The following PRKG1 variants were observed in gnomAD, a reference collection of about 807,000 sequenced individuals.
The protein encoded by PRKG1 is protein kinase cGMP-dependent 1.
Under a neutral mutation model 88.1 loss-of-function variants are expected in PRKG1, and 35 were observed. The ratio of observed to expected loss-of-function variants is 0.40; its 90% CI spans 0.30 to 0.53. The LOEUF is 0.53. PRKG1 is among the 20% of genes least tolerant of loss of function. The probability of loss-of-function intolerance (pLI) is 0.59; values close to 1 mark genes in which losing one functional copy is unlikely to be tolerated. For missense variants in PRKG1, 540 were observed against 839.8 expected, an observed-to-expected ratio of 0.64 and a Z score of 4.41; for synonymous variants, 303 against 292.5, an observed-to-expected ratio of 1.04 and a Z score of -0.37.
chr10:51,396,413 GA>G (rs1837578512), intron 2 of PRKG1, among the ~76,000 whole-genome samples: 1 of 151,994 alleles, frequency 6.6e-6, no homozygotes, highest in African/African-American at 2.4e-5. Context: ...AAAAGAGAGA[GA>G]AAGGGATACA....
At chr10:51,958,476 G>T (rs964576617) in intron 5 of PRKG1, among the ~76,000 whole-genome samples, 1 of 151,486 alleles carries the variant, frequency 6.6e-6, no homozygotes, top group African/African-American at 2.4e-5. Context: ...TTTTTTTTAG[G>T]ATAACTTGGT....
At chr10:51,004,301 TA>T (rs1237583561) in intron 1 of PRKG1, among the ~76,000 whole-genome samples, 1 of 152,082 alleles carries the variant, frequency 6.6e-6, no homozygotes, top group Admixed American at 6.6e-5. Flanking sequence ...CCGTCTCTAC[TA>T]AAAATACAAA....
intron 5 of PRKG1, among the ~76,000 whole-genome samples, chr10:52,015,966 C>T (rs1180336111): frequency 6.6e-6 from 1 of 152,224 alleles, no homozygotes; most frequent in Non-Finnish European, 1.5e-5. Flanking sequence ...GTTCATATCA[C>T]TATCAGCATT....
intron 8 of PRKG1, among the ~76,000 whole-genome samples, chr10:52,144,186 C>G (rs568155392): frequency 6.6e-6 from 1 of 152,176 alleles, no homozygotes; most frequent in East Asian, 1.9e-4. Flanking sequence ...TTAGAAAGAC[C>G]TTTGTACAGT....
chr10:51,151,534 A>G (rs1405292168), intron 1 of PRKG1, among the ~76,000 whole-genome samples: 1 of 151,114 alleles, frequency 6.6e-6, no homozygotes, highest in Non-Finnish European at 1.5e-5. Flanking sequence ...TGAAACCCAA[A>G]TATATGTCTC....
chr10:52,135,088 C>A (rs1837370123), intron 8 of PRKG1, among the ~76,000 whole-genome samples: 1 of 151,640 alleles, frequency 6.6e-6, no homozygotes, highest in Admixed American at 6.6e-5. Flanking sequence ...GTGGCATATA[C>A]AAAAATAACC....
chr10:51,510,290 A>G (rs1025970293), intron 3 of PRKG1, among the ~76,000 whole-genome samples: 1 of 152,172 alleles, frequency 6.6e-6, no homozygotes, highest in African/African-American at 2.4e-5. Flanking sequence ...ATTCATCTGA[A>G]CTAATTAAAT....
At chr10:51,653,635 C>T (rs1840093760) in intron 3 of PRKG1, among the ~76,000 whole-genome samples, 1 of 151,934 alleles carries the variant, frequency 6.6e-6, no homozygotes, top group Admixed American at 6.6e-5. Context: ...GGTGTGATCT[C>T]AGCTCACTGC....
At chr10:51,698,703 C>T (rs1350221721) in intron 3 of PRKG1, 9 of 1,614,106 alleles carry the variant, frequency 5.6e-6, no homozygotes, top group South Asian at 1.1e-5. Context: ...ATTGCTCCTC[C>T]AGGAGTTAAG....
chr10:51,887,061 C>T lies in PRKG1; in HGVS notation c.699-20446C>T, dbSNP rs547129463. 2.6e-5 allele frequency among the ~76,000 whole-genome samples: 4 copies of T among 152,304 alleles called. No homozygotes were observed. The East Asian group carries it at 7.7e-4, about 29-fold the overall frequency. ...GAGTGCAGTGGTGCATCTCCACTCA[C>T]TGCAACCTCTGCCTCCTGGGCTCAC... On this transcript the variant is annotated intron_variant, in intron 4 of 17. Coordinates refer to ENST00000373980, the MANE Select transcript of PRKG1 (RefSeq NM_006258.4).
At chr10:51,997,592 A>T (rs1844482425) in intron 5 of PRKG1, among the ~76,000 whole-genome samples, 1 of 152,178 alleles carries the variant, frequency 6.6e-6, no homozygotes, top group African/African-American at 2.4e-5. Context: ...TTTTCTTACC[A>T]CAAATGATAA....
chr10:51,684,370 G>A (rs1485981728), intron 3 of PRKG1, among the ~76,000 whole-genome samples: 1 of 152,092 alleles, frequency 6.6e-6, no homozygotes, highest in Non-Finnish European at 1.5e-5. Flanking sequence ...TCTTTCTGGG[G>A]TGATGAATAT....
In PRKG1 at chr10:51,907,535, G is replaced by C; in HGVS notation, c.727G>C (p.Glu243Gln). 6.2e-7 allele frequency: 1 copy of C among 1,613,696 alleles called. No individual in the cohort carries two copies. The highest frequency in any genetic ancestry group is 8.5e-7 in the Non-Finnish European group (1 of 1,179,764). Residue 243 changes from glutamate (E) to glutamine (Q), a missense_variant, in exon 5 of 18, where the codon GAG (glutamate) becomes CAG (glutamine). Around this residue, in one of 5 missense-constraint regions of PRKG1, gnomAD observed 400 missense variants for 562.7 expected, o/e 0.71. Transcript: ENST00000373980. ...SVPTFQSLPE[E>Q]ILSKLADVLE... ...TCCAACATTCCAGAGCCTTCCTGAA[G>C]AGATCCTCAGCAAGCTTGCTGATGT...
chr10:51,036,617 C>T (rs1281883351), intron 1 of PRKG1, among the ~76,000 whole-genome samples: 1 of 152,048 alleles, frequency 6.6e-6, no homozygotes, highest in Non-Finnish European at 1.5e-5. Flanking sequence ...TCTCACTGAC[C>T]TTTAAAACAA....
intron 1 of PRKG1, among the ~76,000 whole-genome samples, chr10:51,018,418 G>A (rs192544191): frequency 2.6e-5 from 4 of 152,242 alleles, no homozygotes; most frequent in African/African-American, 9.6e-5. Flanking sequence ...TCATGGATTA[G>A]TCAAAATGGT....
At chr10:51,424,392 A>C (rs935895290) in intron 2 of PRKG1, among the ~76,000 whole-genome samples, 1 of 152,152 alleles carries the variant, frequency 6.6e-6, no homozygotes, top group Non-Finnish European at 1.5e-5. Flanking sequence ...CAGTAATTTG[A>C]AAGAAAAATT....
Position 52,070,522 on chromosome 10 carries a change from T to A in PRKG1, c.935+7891T>A, listed in dbSNP as rs78723239. Reference sequence around the variant, plus strand: ...GTGCATCTCCTTTTGAGAATGCAGTTTTTTTTCAATCCTAGAAAATTCTCA... The same window carrying A: ...GTGCATCTCCTTTTGAGAATGCAGTATTTTTTCAATCCTAGAAAATTCTCA... On this transcript the variant is annotated intron_variant, in intron 7 of 17. Transcript: ENST00000373980. Among the ~76,000 whole-genome samples the A allele has an allele frequency of 2.4e-3, 365 of 152,308 alleles. 2 individuals are homozygous for A. The highest frequency in any genetic ancestry group is 8.3e-3 in the African/African-American group (345 of 41,574).
chr10:51,510,912 T>A lies in PRKG1; in HGVS notation c.592+43076T>A, dbSNP rs12220399. On this transcript the variant is annotated intron_variant, in intron 3 of 17. Coordinates refer to ENST00000373980, the MANE Select transcript of PRKG1 (RefSeq NM_006258.4). ...GCGCCCACCACCACACCAGCTTATTTTTTTTTTTTTTTGTATTTTTAGTAG... is the reference window on the plus strand; with the variant it reads ...GCGCCCACCACCACACCAGCTTATTATTTTTTTTTTTTGTATTTTTAGTAG... Among the ~76,000 whole-genome samples, 1,554 of 149,976 alleles carry A rather than the reference T, an allele frequency of 0.01. 148 individuals are homozygous for A. The East Asian group carries it at 0.23, about 22-fold the overall frequency.
chr10:52,040,365 G>A (rs570132665), intron 5 of PRKG1, among the ~76,000 whole-genome samples: 40 of 152,166 alleles, frequency 2.6e-4, no homozygotes, highest in Middle Eastern at 3.4e-3. Context: ...ATAATCTGTC[G>A]GGGCAAACTA....
Sources: allele counts gnomAD v4.1 joint callset (sites outside exome capture counted in the v4.1 genomes callset), GRCh38; gene constraint gnomAD v4.1.1; regional missense constraint gnomAD v4.1.1; transcripts MANE v1.5; gene names NCBI Gene and HGNC (gene_info 2026-07-23, HGNC 2026-07-21).